Variants in TMEM232 observed in about 807,000 individuals in gnomAD.
TMEM232 encodes transmembrane protein 232.
In TMEM232, 80 loss-of-function variants were observed where a neutral mutation model predicts 78.8. The observed-to-expected ratio is 1.01, with a 90% CI of 0.85 to 1.22. TMEM232 has a LOEUF of 1.22. TMEM232 is among the 50% of genes most tolerant of loss of function. TMEM232 has a pLI of 0.00. For missense variants in TMEM232, 881 were observed against 742.2 expected (o/e 1.19, Z -2.17); for synonymous variants, 297 against 254.3 (o/e 1.17, Z -1.60).
intron 1 of TMEM232, among the ~76,000 whole-genome samples, chr5:110,704,922 G>C (rs1795779169): frequency 1.3e-5 from 2 of 152,080 alleles, no homozygotes; most frequent in South Asian, 2.1e-4. Context: ...TTGTTCTGGG[G>C]GTCAGGGACC....
At chr5:110,466,832 G>T (rs1242308915) in intron 12 of TMEM232, among the ~76,000 whole-genome samples, 1 of 151,678 alleles carries the variant, frequency 6.6e-6, no homozygotes, top group Non-Finnish European at 1.5e-5. Context: ...AGCCAGGATG[G>T]TCTCGATCTC....
chr5:110,473,664 T>C (rs865869230), intron 12 of TMEM232, among the ~76,000 whole-genome samples: 1 of 151,324 alleles, frequency 6.6e-6, no homozygotes. Flanking sequence ...GAAATCATTA[T>C]GTCAAATAGA....
At chr5:110,505,948 G>A (rs1211508687) in intron 12 of TMEM232, among the ~76,000 whole-genome samples, 1 of 152,170 alleles carries the variant, frequency 6.6e-6, no homozygotes, top group Non-Finnish European at 1.5e-5. Context: ...AAAAGTGAAG[G>A]AACCTGGTCA....
At chr5:110,516,995 C>T (rs1343057599) in intron 12 of TMEM232, among the ~76,000 whole-genome samples, 2 of 152,152 alleles carry the variant, frequency 1.3e-5, no homozygotes, top group Admixed American at 1.3e-4. Flanking sequence ...CTTAATTTTC[C>T]TGTTCTCTGC....
At chr5:110,547,961 G>A (rs1773982921) in intron 11 of TMEM232, among the ~76,000 whole-genome samples, 1 of 137,590 alleles carries the variant, frequency 7.3e-6, no homozygotes, top group Non-Finnish European at 1.5e-5. Flanking sequence ...TCACGCCGCT[G>A]CACTCCAGCC....
intron 11 of TMEM232, among the ~76,000 whole-genome samples, chr5:110,562,641 T>C (rs1775883642): frequency 6.6e-6 from 1 of 152,094 alleles, no homozygotes; most frequent in Non-Finnish European, 1.5e-5. Flanking sequence ...GAACGTGCTT[T>C]CTGGATGAGA....
intron 2 of TMEM232, among the ~76,000 whole-genome samples, chr5:110,732,870 G>T (rs1798811786): frequency 6.6e-6 from 1 of 152,064 alleles, no homozygotes; most frequent in African/African-American, 2.4e-5. Context: ...TAAAATAATA[G>T]CAGAGAAAAC....
intron 12 of TMEM232, among the ~76,000 whole-genome samples, chr5:110,501,472 A>T (rs1207661773): frequency 6.6e-6 from 1 of 152,154 alleles, no homozygotes; most frequent in Non-Finnish European, 1.5e-5. Context: ...AAGAATAAAA[A>T]CTTTTGAGTG....
chr5:110,662,474 C>T (rs1449098422), intron 2 of TMEM232, among the ~76,000 whole-genome samples: 3 of 152,030 alleles, frequency 2.0e-5, no homozygotes, highest in Non-Finnish European at 4.4e-5. Context: ...ATTAAAAACT[C>T]CCTTTAATTT....
At chr5:110,552,945 G>C (rs1010764201) in intron 11 of TMEM232, among the ~76,000 whole-genome samples, 3 of 152,062 alleles carry the variant, frequency 2.0e-5, no homozygotes, top group African/African-American at 7.2e-5. Flanking sequence ...TCCAGTTTCA[G>C]TCTTCTGCAT....
At chr5:110,588,394 A>G (rs1779110413) in intron 10 of TMEM232, among the ~76,000 whole-genome samples, 1 of 152,140 alleles carries the variant, frequency 6.6e-6, no homozygotes, top group African/African-American at 2.4e-5. Context: ...ATTATTGTAA[A>G]TCCAGGCAAA....
chr5:110,686,265 C>G (rs914727369), intron 1 of TMEM232, among the ~76,000 whole-genome samples: 13 of 152,010 alleles, frequency 8.6e-5, no homozygotes, highest in Non-Finnish European at 7.4e-5. Context: ...ACTAAAACAG[C>G]CTTACAGTTT....
intron 2 of TMEM232, among the ~76,000 whole-genome samples, chr5:110,646,121 C>T (rs1383596613): frequency 6.6e-6 from 1 of 151,598 alleles, no homozygotes; most frequent in Admixed American, 6.6e-5. Flanking sequence ...ATCCTGTGTT[C>T]ATGGATTGGA....
At position 110,690,431 on chromosome 5, in the gene TMEM232, A is replaced by C. The variant is rs566213747; in HGVS notation, c.-12-23067T>G. On this transcript the variant is annotated intron_variant, in intron 1 of 13. Transcript: ENST00000455884. ...AATCAAAACCACAATGAGATACCATATCATACCACTTAGAATGGCGATCAT... is the reference window on the plus strand; with the variant it reads ...AATCAAAACCACAATGAGATACCATCTCATACCACTTAGAATGGCGATCAT... 5.6e-3 allele frequency among the ~76,000 whole-genome samples: 850 copies of C among 152,274 alleles called. 3 individuals carry two copies. Among genetic ancestry groups the C allele is most frequent in the African/African-American group, 0.019 (798 of 41,566 alleles).
intron 2 of TMEM232, among the ~76,000 whole-genome samples, chr5:110,734,114 T>C (rs1261515979): frequency 2.0e-5 from 3 of 152,244 alleles, no homozygotes; most frequent in Non-Finnish European, 4.4e-5. Flanking sequence ...AAGCATCATG[T>C]TAGTCACCTA....
chr5:110,666,590 T>C (rs1334287735), intron 2 of TMEM232: 1 of 152,168 alleles, frequency 6.6e-6, no homozygotes, highest in Non-Finnish European at 1.5e-5. Flanking sequence ...TAGGTTTACT[T>C]ATTTCTTCAG....
chr5:110,577,610 T>C (rs1241007659), intron 10 of TMEM232, among the ~76,000 whole-genome samples: 1 of 152,026 alleles, frequency 6.6e-6, no homozygotes, highest in Non-Finnish European at 1.5e-5. Flanking sequence ...AGCAAAGACA[T>C]AGAATCAACC....
intron 8 of TMEM232, 38 bp downstream of exon 8, chr5:110,618,391 C>T: frequency 1.3e-6 from 2 of 1,545,984 alleles, no homozygotes; most frequent in South Asian, 1.2e-5. Flanking sequence ...ACAAAGATTT[C>T]TCCATGAGTT....
intron 1 of TMEM232, among the ~76,000 whole-genome samples, chr5:110,668,116 T>C (rs1403375649): frequency 2.0e-5 from 3 of 152,084 alleles, no homozygotes; most frequent in Non-Finnish European, 4.4e-5. Context: ...TAGTCAAAGT[T>C]TTGGCAGGAA....
Sources: gnomAD v4.1 joint callset for allele counts (sites outside exome capture counted in the v4.1 genomes callset) on GRCh38, gnomAD v4.1.1 for gene constraint, MANE v1.5 for transcripts, NCBI Gene and HGNC (gene_info 2026-07-23, HGNC 2026-07-21) for gene names.